Variants in SGPP2 observed in about 807,000 individuals in gnomAD.
SGPP2 encodes sphingosine-1-phosphate phosphatase 2.
A neutral mutation model predicts 33.9 loss-of-function variants in SGPP2; 30 were observed. That is an observed-to-expected ratio of 0.89 (90% CI 0.66 to 1.20). The LOEUF (loss-of-function observed/expected upper bound fraction) is 1.20, where lower values mean the gene tolerates loss of function less well. Among genes scored for constraint, SGPP2 ranks in the 50% most tolerant of loss-of-function variants. SGPP2 has a pLI of 0.00. For missense variants in SGPP2, 458 were observed against 532.1 expected (o/e 0.86, Z 1.37); for synonymous variants, 233 against 225.0 (o/e 1.04, Z -0.32).
chr2:222,492,416 T>C (rs1298187954), intron 2 of SGPP2, among the ~76,000 whole-genome samples: 16 of 152,268 alleles, frequency 1.1e-4, no homozygotes, highest in Non-Finnish European at 2.2e-4. Context: ...CCACCAAGGC[T>C]TGGGGCTTGC....
In SGPP2 at chr2:222,432,095, A is replaced by G. The variant is rs374822139; in HGVS notation, c.219+7274A>G. On this transcript the variant is annotated intron_variant, in intron 1 of 4. Coordinates refer to ENST00000321276, the MANE Select transcript of SGPP2 (RefSeq NM_152386.4). Reference sequence around the variant, plus strand: ...CCTATAGACAAGAAGATAGCAGTCAATTTCATCCCGTGTGCCAAATCGGAA... The same window carrying G: ...CCTATAGACAAGAAGATAGCAGTCAGTTTCATCCCGTGTGCCAAATCGGAA... Among the ~76,000 whole-genome samples the G allele has an allele frequency of 1.2e-4, 18 of 152,314 alleles. No homozygotes were observed. In the East Asian group the frequency reaches 1.7e-3, roughly 15 times the overall value.
chr2:222,457,755 A>G (rs1320970655), intron 1 of SGPP2, among the ~76,000 whole-genome samples: 4 of 152,140 alleles, frequency 2.6e-5, no homozygotes, highest in Non-Finnish European at 5.9e-5. Flanking sequence ...GCCATCCTCA[A>G]CCAGGCCTCC....
intron 4 of SGPP2, among the ~76,000 whole-genome samples, chr2:222,534,492 A>T (rs979310994): frequency 1.3e-5 from 2 of 151,972 alleles, no homozygotes; most frequent in African/African-American, 4.8e-5. Context: ...TTTTGGTTGG[A>T]GTCAGAGAAT....
chr2:222,468,400 T>C (rs989808558), intron 1 of SGPP2, among the ~76,000 whole-genome samples: 1 of 149,050 alleles, frequency 6.7e-6, no homozygotes, highest in Admixed American at 6.6e-5. Flanking sequence ...AAAAAAAAAA[T>C]TGTACATTAA....
At chr2:222,440,357 T>TG (rs199768427) in intron 1 of SGPP2, among the ~76,000 whole-genome samples, 5,040 of 151,722 alleles carry the variant, frequency 0.033, 213 homozygotes, top group African/African-American at 0.098. Flanking sequence ...TTTTTGTTTT[T>TG]TTTTGAGACG....
intron 1 of SGPP2, among the ~76,000 whole-genome samples, chr2:222,462,337 C>T (rs116558907): frequency 0.01 from 1,558 of 152,204 alleles, 20 homozygotes; most frequent in African/African-American, 0.035. Context: ...GGTGACAAGA[C>T]TCATGTTAGA....
chr2:222,468,086 G>A (rs1290810233), intron 1 of SGPP2, among the ~76,000 whole-genome samples: 1 of 148,974 alleles, frequency 6.7e-6, no homozygotes, highest in Admixed American at 6.8e-5. Context: ...GTGTACTTGA[G>A]ACCAAAAGTT....
intron 1 of SGPP2, among the ~76,000 whole-genome samples, chr2:222,441,333 C>T (rs1371529997): frequency 6.6e-6 from 1 of 152,046 alleles, no homozygotes; most frequent in Non-Finnish European, 1.5e-5. Context: ...TGTCAAATAT[C>T]CAATTGTAAA....
At chr2:222,455,218 A>T (rs1574839444) in intron 1 of SGPP2, among the ~76,000 whole-genome samples, 1 of 8,464 alleles carries the variant, frequency 1.2e-4, no homozygotes, top group African/African-American at 3.1e-4. Flanking sequence ...CAATCTCTTT[A>T]AAAAAAAAAA....
At chr2:222,517,109 A>G (rs2106129791) in intron 2 of SGPP2, among the ~76,000 whole-genome samples, 1 of 152,118 alleles carries the variant, frequency 6.6e-6, no homozygotes, top group East Asian at 1.9e-4. Flanking sequence ...TTCTTTACCC[A>G]TCCCTTAGTT....
intron 2 of SGPP2, among the ~76,000 whole-genome samples, chr2:222,513,654 A>G (rs1698562593): frequency 6.6e-6 from 1 of 151,814 alleles, no homozygotes; most frequent in South Asian, 2.1e-4. Context: ...CAATCCAATG[A>G]CAAGTTCCAT....
chr2:222,434,979 C>T (rs28459926), intron 1 of SGPP2, among the ~76,000 whole-genome samples: 570 of 9,706 alleles, frequency 0.059, 8 homozygotes, highest in African/African-American at 0.14. Context: ...GATATATACA[C>T]ACACACACAC....
Position 222,424,622 on chromosome 2 carries a change from G to A in SGPP2, c.20G>A (p.Ser7Asn), listed in dbSNP as rs1485412980. The change falls in exon 1 of 5, where the codon AGC becomes AAC. Residue 7 changes from serine to asparagine, a missense_variant. By Grantham distance (46) the Ser-to-Asn change is conservative. Transcript: ENST00000321276. MAELLR[S>N]LQDSQLVARF... ...CACACCATGGCCGAGCTGCTGCGGA[G>A]CCTGCAGGATTCCCAGCTCGTCGCC... is the stretch of plus-strand genomic sequence containing the variant. 1 of 1,398,760 alleles carries A rather than the reference G, an allele frequency of 7.1e-7. No individual in the cohort carries two copies. The highest frequency in any genetic ancestry group is 9.3e-7 in the Non-Finnish European group (1 of 1,072,302). 86.6% of individuals were successfully genotyped at this position (1,398,760 alleles called of 1,614,324 possible). A position where few individuals can be genotyped will look rare whatever the true frequency, so the allele number is the denominator to read the frequency against.
At chr2:222,462,220 A>G (rs1017333254) in intron 1 of SGPP2, among the ~76,000 whole-genome samples, 1 of 152,142 alleles carries the variant, frequency 6.6e-6, no homozygotes, top group Non-Finnish European at 1.5e-5. Context: ...GTCAACACAT[A>G]TGCTTATTTG....
intron 2 of SGPP2, among the ~76,000 whole-genome samples, chr2:222,489,925 A>C (rs1698171791): frequency 6.6e-6 from 1 of 152,180 alleles, no homozygotes; most frequent in Non-Finnish European, 1.5e-5. Context: ...AGATCATGCC[A>C]TTGCACTCCA....
At chr2:222,461,649 A>T (rs1697662361) in intron 1 of SGPP2, among the ~76,000 whole-genome samples, 1 of 151,776 alleles carries the variant, frequency 6.6e-6, no homozygotes, top group Non-Finnish European at 1.5e-5. Context: ...ATCAGGCATT[A>T]GATTCTCATA....
intron 2 of SGPP2, among the ~76,000 whole-genome samples, chr2:222,485,828 G>A (rs928671982): frequency 2.0e-5 from 3 of 152,230 alleles, no homozygotes; most frequent in Non-Finnish European, 2.9e-5. Flanking sequence ...CCCATGCTGG[G>A]AAGGGGAAGG....
chr2:222,432,452 C>T (rs1697170726), intron 1 of SGPP2, among the ~76,000 whole-genome samples: 2 of 152,190 alleles, frequency 1.3e-5, no homozygotes, highest in South Asian at 4.1e-4. Context: ...GGGCTCAGCC[C>T]TGGAGTGAAA....
At chr2:222,523,247 A>G (rs75531141) in intron 3 of SGPP2, among the ~76,000 whole-genome samples, 2,399 of 152,304 alleles carry the variant, frequency 0.016, 32 homozygotes, top group Non-Finnish European at 0.026. Flanking sequence ...ATTTGACTAG[A>G]TATCATCTTT....
Sources: gnomAD v4.1 joint callset for allele counts (sites outside exome capture counted in the v4.1 genomes callset) on GRCh38, gnomAD v4.1.1 for gene constraint, MANE v1.5 for transcripts, NCBI Gene and HGNC (gene_info 2026-07-23, HGNC 2026-07-21) for gene names.